The following SCAF8 variants were observed in gnomAD, a reference collection of about 807,000 sequenced individuals.
SCAF8 encodes the protein SR-related CTD associated factor 8.
A neutral mutation model predicts 140.5 loss-of-function variants in SCAF8; 23 were observed. That is an observed-to-expected ratio of 0.16 (90% confidence interval 0.12 to 0.23). The LOEUF (loss-of-function observed/expected upper bound fraction) is 0.23. SCAF8 is among the 10% of genes least tolerant of loss of function. The pLI is 1.00. For missense variants in SCAF8, 1,397 were observed against 1,555.7 expected, an observed-to-expected ratio of 0.90 and a Z score of 1.72; for synonymous variants, 575 against 528.9, an observed-to-expected ratio of 1.09 and a Z score of -1.20.
chr6:154,783,769 A>G (rs905882229), intron 3 of SCAF8, among the ~76,000 whole-genome samples: 2 of 152,154 alleles, frequency 1.3e-5, no homozygotes, highest in Admixed American at 1.3e-4. Context: ...TTGAGTCCAC[A>G]TTGAAAGATG....
Position 154,733,453 on chromosome 6 carries a change from CCT to C in SCAF8, c.-445_-444del, listed in dbSNP as rs905403047. 93 of 1,385,244 alleles carry C rather than the reference CCT, an allele frequency of 6.7e-5. No individual in the cohort carries two copies. The highest frequency in any genetic ancestry group is 2.1e-4 in the East Asian group (7 of 32,784). 85.8% of individuals were successfully genotyped at this position (1,385,244 alleles called of 1,614,324 possible). On this transcript the variant is annotated 5_prime_UTR_variant, in exon 1 of 20. It removes the in-frame stop codon of an upstream open reading frame in the 5' UTR. Transcript: ENST00000367178. ...GCAGCCGCTGCTGCCAGCGCTTCCTCCTCTGTCTTCGCCGAGCGGGGCTGGTT... is the reference window on the plus strand; with the variant it reads ...GCAGCCGCTGCTGCCAGCGCTTCCTCCTGTCTTCGCCGAGCGGGGCTGGTT...
At chr6:154,801,792 T>C (rs542665310) in intron 6 of SCAF8, among the ~76,000 whole-genome samples, 179 bp from the exon 7 acceptor site, 4 of 147,840 alleles carry the variant, frequency 2.7e-5, no homozygotes, top group East Asian at 3.9e-4. Context: ...GACAAACTTA[T>C]TAAGGACTGT....
chr6:154,769,627 C>T (rs1053930353), intron 1 of SCAF8, among the ~76,000 whole-genome samples: 5 of 152,018 alleles, frequency 3.3e-5, no homozygotes, highest in African/African-American at 7.3e-5. Context: ...GTTTTCTATA[C>T]GATGTTTCTG....
intron 1 of SCAF8, among the ~76,000 whole-genome samples, chr6:154,747,926 G>GTGTT (rs1778744536): frequency 6.6e-6 from 1 of 150,942 alleles, no homozygotes; most frequent in Non-Finnish European, 1.5e-5. Context: ...GTGTGTGTGT[G>GTGTT]TGTGTGTGTG....
intron 4 of SCAF8, among the ~76,000 whole-genome samples, chr6:154,792,095 C>T (rs1220904340): frequency 1.3e-5 from 2 of 151,784 alleles, no homozygotes; most frequent in Non-Finnish European, 2.9e-5. Context: ...GAGGATGATT[C>T]ATCGTTCTGA....
chr6:154,820,962 C>G (rs1230193963), intron 15 of SCAF8, among the ~76,000 whole-genome samples: 1 of 152,112 alleles, frequency 6.6e-6, no homozygotes, highest in Non-Finnish European at 1.5e-5. Flanking sequence ...CACACCTTAG[C>G]TCTTTTATCA....
intron 2 of SCAF8, among the ~76,000 whole-genome samples, chr6:154,777,032 T>G (rs898738107): frequency 6.6e-6 from 1 of 152,010 alleles, no homozygotes; most frequent in Non-Finnish European, 1.5e-5. Context: ...AATACAAAAA[T>G]TAGGCGTGGT....
chr6:154,770,196 C>G (rs1776694691), intron 1 of SCAF8, among the ~76,000 whole-genome samples: 1 of 152,034 alleles, frequency 6.6e-6, no homozygotes, highest in African/African-American at 2.4e-5. Context: ...CACCTGTAAT[C>G]TCAGCAGGGA....
At chr6:154,831,231 A>G (rs1778722109) in intron 19 of SCAF8, 91 bp downstream of exon 19, 3 of 717,164 alleles carry the variant, frequency 4.2e-6, no homozygotes, top group South Asian at 2.1e-5. Flanking sequence ...AACCACTTCA[A>G]TCTACAGATG....
At chr6:154,801,199 G>A (rs930823055) in intron 6 of SCAF8, among the ~76,000 whole-genome samples, 1 of 151,540 alleles carries the variant, frequency 6.6e-6, no homozygotes, top group Non-Finnish European at 1.5e-5. Flanking sequence ...TAGTGTTACT[G>A]TTTTAAGTAG....
At chr6:154,747,763 A>T (rs991665813) in intron 1 of SCAF8, among the ~76,000 whole-genome samples, 1 of 152,084 alleles carries the variant, frequency 6.6e-6, no homozygotes, top group Non-Finnish European at 1.5e-5. Context: ...TGGTGGAAAT[A>T]TTCATTTAAC....
At chr6:154,743,211 A>G (rs1383535933) in intron 1 of SCAF8, among the ~76,000 whole-genome samples, 1 of 152,232 alleles carries the variant, frequency 6.6e-6, no homozygotes, top group Non-Finnish European at 1.5e-5. Context: ...CACTGTTCAA[A>G]ATAGAGACTG....
intron 12 of SCAF8, among the ~76,000 whole-genome samples, chr6:154,813,094 C>A (rs1160512539): frequency 2.0e-5 from 3 of 151,554 alleles, no homozygotes; most frequent in Non-Finnish European, 4.4e-5. Flanking sequence ...GTAGTCCCAG[C>A]TACTCAAGAA....
intron 12 of SCAF8, among the ~76,000 whole-genome samples, chr6:154,814,322 C>T (rs1778184511): frequency 6.6e-6 from 1 of 152,146 alleles, no homozygotes; most frequent in African/African-American, 2.4e-5. Context: ...GTCTCAGAAA[C>T]AAACAAACGA....
intron 1 of SCAF8, among the ~76,000 whole-genome samples, chr6:154,755,719 C>T (rs7770922): frequency 0.61 from 92,020 of 151,990 alleles, 30,554 homozygotes; most frequent in East Asian, 0.91. Flanking sequence ...TTATATACAT[C>T]GCATATAAAG....
Position 154,833,078 on chromosome 6 carries a change from T to A in SCAF8, c.3499T>A (p.Phe1167Ile), listed in dbSNP as rs201197705. 4 of 1,614,132 alleles carry A rather than the reference T, an allele frequency of 2.5e-6. No homozygotes were observed. Among genetic ancestry groups the A allele is most frequent in the African/African-American group, 2.7e-5 (2 of 75,044 alleles). The change falls in exon 20 of 20, where the codon TTT becomes ATT. Residue 1167 changes from phenylalanine to isoleucine, a missense_variant. Physicochemically the swap from Phe to Ile is conservative, Grantham distance 21 (BLOSUM62 0). Coordinates refer to ENST00000367178, the MANE Select transcript of SCAF8 (RefSeq NM_014892.5). Reference sequence around the variant, plus strand: ...GCAAAGGGATAGGGATGACAGAGATTTTGATTTCTGCAGAGAAATGAATGG... The same window carrying A: ...GCAAAGGGATAGGGATGACAGAGATATTGATTTCTGCAGAGAAATGAATGG... Reference protein sequence around the residue: ...ERQRDRDDRDFDFCREMNGNR... With the variant: ...ERQRDRDDRDIDFCREMNGNR...
At chr6:154,772,475 A>G (rs548217779) in intron 1 of SCAF8, among the ~76,000 whole-genome samples, 10 of 152,306 alleles carry the variant, frequency 6.6e-5, no homozygotes, top group Non-Finnish European at 1.2e-4. Flanking sequence ...AGATTGCTTG[A>G]GCCCAGCAGT....
chr6:154,808,838 T>C (rs757330840), intron 11 of SCAF8, 40 bp downstream of exon 11: 7 of 1,326,132 alleles, frequency 5.3e-6, no homozygotes, highest in Non-Finnish European at 6.5e-6. Flanking sequence ...GTGTGAACTT[T>C]AAAATGTTGG....
Position 154,833,455 on chromosome 6 carries a change from A to G in SCAF8, c.*60A>G. ...AGTTGTCATCTCTCTGTAATAGATA[A>G]TGGCTGACTGGACCATAGTTGTTCA... On this transcript the variant is annotated 3_prime_UTR_variant, in exon 20 of 20. Transcript: ENST00000367178. The G allele has an allele frequency of 6.7e-7, 1 of 1,481,960 alleles. No homozygotes were observed. The highest frequency in any genetic ancestry group is 9.2e-7 in the Non-Finnish European group (1 of 1,091,570). The allele number at this position is 1,481,960 out of a possible 1,614,324, so 91.8% of individuals were successfully genotyped here.
Sources: allele counts gnomAD v4.1 joint callset (sites outside exome capture counted in the v4.1 genomes callset), GRCh38; gene constraint gnomAD v4.1.1; transcripts MANE v1.5; gene names NCBI Gene and HGNC (gene_info 2026-07-23, HGNC 2026-07-21).